The following ERGIC1 variants were observed in gnomAD, a reference collection of about 807,000 sequenced individuals.
ERGIC1 encodes endoplasmic reticulum-Golgi intermediate compartment protein 1.
A neutral mutation model predicts 38.3 loss-of-function variants in ERGIC1; 19 were observed. The ratio of observed to expected loss-of-function variants is 0.50; its 90% CI spans 0.35 to 0.73. ERGIC1 has a LOEUF of 0.73. ERGIC1 is among the 30% of genes least tolerant of loss of function. The probability of loss-of-function intolerance (pLI) is 0.01; values close to 1 mark genes in which losing one functional copy is unlikely to be tolerated. For missense variants in ERGIC1, 294 were observed against 389.2 expected (o/e 0.76, Z 2.06); for synonymous variants, 124 against 157.6 (o/e 0.79, Z 1.60).
intron 4 of ERGIC1, among the ~76,000 whole-genome samples, chr5:172,910,681 T>A (rs562139170): frequency 6.6e-6 from 1 of 152,158 alleles, no homozygotes; most frequent in South Asian, 2.1e-4. Flanking sequence ...CGCACCACCA[T>A]GCCAAGCTAA....
At chr5:172,920,897 CTG>C (rs1763495108) in intron 5 of ERGIC1, among the ~76,000 whole-genome samples, 1 of 152,224 alleles carries the variant, frequency 6.6e-6, no homozygotes, top group Admixed American at 6.5e-5. Context: ...TTTAGTCTGA[CTG>C]TGTCTCATGA....
chr5:172,932,521 C>T lies in ERGIC1; in HGVS notation c.627C>T (p.Tyr209=), dbSNP rs1763800936. The change falls in exon 8 of 10, where the codon TAC becomes TAT. Residue 209 remains tyrosine (Y), a synonymous_variant. Coordinates refer to ENST00000393784, the MANE Select transcript of ERGIC1 (RefSeq NM_001031711.3). ...GCAAGCAGCGGTACTCCTACCAGTA[C>T]ACGGTGGCCAACAAGGTGCGCGGGC... ...KSGKQRYSYQ[Y]TVANKEYVAY... is the part of the protein sequence containing the mutation. 1 of 1,614,004 alleles carries T rather than the reference C, an allele frequency of 6.2e-7. No individual in the cohort carries two copies. The highest frequency in any genetic ancestry group is 1.7e-5 in the Admixed American group (1 of 60,006).
At chr5:172,907,142 C>T (rs1186290821) in intron 3 of ERGIC1, among the ~76,000 whole-genome samples, 3 of 152,228 alleles carry the variant, frequency 2.0e-5, no homozygotes, top group Non-Finnish European at 4.4e-5. Flanking sequence ...CCATCCAAGG[C>T]GCCGCCATCC....
chr5:172,915,935 A>G (rs1561734354), intron 5 of ERGIC1: 1 of 246,018 alleles, frequency 4.1e-6, no homozygotes, highest in African/African-American at 2.3e-5. Context: ...CCAGTATAGC[A>G]TTTAACTGCA....
At chr5:172,843,366 G>A (rs1049062514) in intron 1 of ERGIC1, among the ~76,000 whole-genome samples, 4 of 152,066 alleles carry the variant, frequency 2.6e-5, no homozygotes, top group African/African-American at 9.7e-5. Flanking sequence ...CACAGCTGGT[G>A]AGGTGCAGAG....
At chr5:172,844,007 G>A (rs975261870) in intron 1 of ERGIC1, among the ~76,000 whole-genome samples, 4 of 152,194 alleles carry the variant, frequency 2.6e-5, no homozygotes, top group East Asian at 1.9e-4. Context: ...GCACCTCACC[G>A]AGCCGTGATA....
intron 1 of ERGIC1, among the ~76,000 whole-genome samples, chr5:172,852,857 G>A (rs528103401): frequency 3.3e-5 from 5 of 152,382 alleles, no homozygotes; most frequent in Middle Eastern, 3.4e-3. Context: ...TGTTTGGTTT[G>A]CACAGGCATT....
rs1761060985 is a variant in ERGIC1 at position 172,837,344 on chromosome 5, G to A, written c.20+2911G>A. On this transcript the variant is annotated intron_variant, in intron 1 of 9. Coordinates refer to ENST00000393784, the MANE Select transcript of ERGIC1 (RefSeq NM_001031711.3). This position sits in a 1 kb window ranked among gnomAD's most constrained non-coding sequence, Gnocchi z 4.3. ...GAAAGCATTTAGACACAGAGTAAGC[G>A]CCTCATCCATTTTGGCCGCCATATT... 6.6e-6 allele frequency among the ~76,000 whole-genome samples: 1 copy of A among 152,130 alleles called. No individual in the cohort carries two copies.
chr5:172,909,761 T>A lies in ERGIC1; in HGVS notation c.250T>A (p.Leu84Met). Residue 84 changes from leucine (L) to methionine (M), a missense_variant and splice_region_variant, in exon 4 of 10, where the codon TTG (leucine) becomes ATG (methionine). By Grantham distance (15) the Leu-to-Met change is conservative. Around this residue, in one of 3 missense-constraint regions of ERGIC1, gnomAD observed 163 missense variants for 225.8 expected, o/e 0.72. Coordinates refer to ENST00000393784, the MANE Select transcript of ERGIC1 (RefSeq NM_001031711.3). ...NISLPNLHCE[L>M]VGLDIQDEMG... ...CAGTTTACCCAATCTGCACTGCGAGTGTGAGTACTCCACGCAGCCCCTCCC... is the reference window on the plus strand; with the variant it reads ...CAGTTTACCCAATCTGCACTGCGAGAGTGAGTACTCCACGCAGCCCCTCCC... The A allele has an allele frequency of 6.2e-7, 1 of 1,613,750 alleles. No individual in the cohort carries two copies.
chr5:172,905,837 C>T (rs540234975), intron 3 of ERGIC1, among the ~76,000 whole-genome samples: 61 of 152,330 alleles, frequency 4.0e-4, no homozygotes, highest in African/African-American at 1.4e-3. Flanking sequence ...CAATCCAGCT[C>T]GAATGCCTGG....
At chr5:172,900,709 C>T (rs1169564800) in intron 3 of ERGIC1, among the ~76,000 whole-genome samples, 1 of 112,746 alleles carries the variant, frequency 8.9e-6, no homozygotes, top group East Asian at 2.6e-4. Flanking sequence ...GACCCTATCT[C>T]AAAAAAAAAA....
Position 172,943,440 on chromosome 5 carries a change from G to C in ERGIC1, c.766-7269G>C, listed in dbSNP as rs560684143. 6.1e-5 allele frequency among the ~76,000 whole-genome samples: 9 copies of C among 147,322 alleles called. No individual in the cohort carries two copies. In the South Asian group the frequency reaches 1.9e-3, roughly 32 times the overall value. ...CCACGACTTTGGTGTTCTCATCCCCGGCTCCAGCCTGTCTGCCGCTGCTGG... is the reference window on the plus strand; with the variant it reads ...CCACGACTTTGGTGTTCTCATCCCCCGCTCCAGCCTGTCTGCCGCTGCTGG... On this transcript the variant is annotated intron_variant, in intron 9 of 9. Transcript: ENST00000393784.
At chr5:172,879,910 C>T (rs1481180465) in intron 1 of ERGIC1, among the ~76,000 whole-genome samples, 4 of 152,162 alleles carry the variant, frequency 2.6e-5, no homozygotes, top group Admixed American at 2.0e-4. Context: ...GTCAGTAGCA[C>T]CCCACACCCA....
intron 1 of ERGIC1, among the ~76,000 whole-genome samples, chr5:172,878,466 G>C (rs1421726592): frequency 6.6e-6 from 1 of 152,138 alleles, no homozygotes; most frequent in African/African-American, 2.4e-5. Flanking sequence ...TACCATACAG[G>C]GTTATGAAAG....
chr5:172,894,611 G>GTCAGGTGTGTATTT (rs1762679744), intron 2 of ERGIC1, among the ~76,000 whole-genome samples: 1 of 152,212 alleles, frequency 6.6e-6, no homozygotes, highest in South Asian at 2.1e-4. Context: ...CGGAGCCTAA[G>GTCAGGTGTGTATTT]TTCTTGAGGT....
chr5:172,915,145 C>T lies in ERGIC1; in HGVS notation c.375+307C>T. 6.0e-6 allele frequency: 4 copies of T among 666,664 alleles called. No individual in the cohort carries two copies. The South Asian group carries it at 6.6e-5, about 11-fold the overall frequency. 41.3% of individuals were successfully genotyped at this position (666,664 alleles called of 1,614,324 possible). A position where few individuals can be genotyped will look rare whatever the true frequency, so the allele number is the denominator to read the frequency against. ...GCCCTGGGTTCAAGTCCCAGCTCTACCCCTTCTTGGCCCCTACAAGTCACT... is the reference window on the plus strand; with the variant it reads ...GCCCTGGGTTCAAGTCCCAGCTCTATCCCTTCTTGGCCCCTACAAGTCACT... On this transcript the variant is annotated intron_variant, in intron 5 of 9. Transcript: ENST00000393784.
At chr5:172,934,834 G>A (rs1024662130) in intron 8 of ERGIC1, 2 of 317,496 alleles carry the variant, frequency 6.3e-6, no homozygotes, top group Non-Finnish European at 1.2e-5. Flanking sequence ...AACCATTGTT[G>A]AATAAATGAA....
At chr5:172,909,909 A>T in intron 4 of ERGIC1, 148 bp downstream of exon 4, 1 of 714,136 alleles carries the variant, frequency 1.4e-6, no homozygotes, top group Non-Finnish European at 2.5e-6. Flanking sequence ...TTGCGTATGC[A>T]TGCACTTGGA....
intron 1 of ERGIC1, among the ~76,000 whole-genome samples, chr5:172,863,538 A>T (rs1292367732): frequency 6.6e-6 from 1 of 152,176 alleles, no homozygotes; most frequent in African/African-American, 2.4e-5. Flanking sequence ...AGTGGCCAGG[A>T]GTCCTCCCGT....
Sources: gnomAD v4.1 joint callset for allele counts (sites outside exome capture counted in the v4.1 genomes callset) on GRCh38, gnomAD v4.1.1 for gene constraint, gnomAD v4.1.1 regional missense constraint, Gnocchi (gnomAD v3.1) non-coding constraint, MANE v1.5 for transcripts, NCBI Gene and HGNC (gene_info 2026-07-23, HGNC 2026-07-21) for gene names.